CCSER1: variants seen among roughly 807,000 people sequenced by gnomAD.
CCSER1 encodes serine-rich coiled-coil domain-containing protein 1.
In CCSER1, 41 loss-of-function variants were observed where a neutral mutation model predicts 82.0. The ratio of observed to expected loss-of-function variants is 0.50; its 90% CI spans 0.39 to 0.65. The LOEUF (loss-of-function observed/expected upper bound fraction) is 0.65. CCSER1 is among the 30% of genes least tolerant of loss of function. The probability of loss-of-function intolerance (pLI) is 0.00; values close to 1 mark genes in which losing one functional copy is unlikely to be tolerated. For synonymous variants in CCSER1, 414 were observed against 383.9 expected (o/e 1.08, Z -0.92); for missense variants, 1,119 against 1,064.2 (o/e 1.05, Z -0.72).
At chr4:90,799,125 G>A (rs1306488286) in intron 7 of CCSER1, among the ~76,000 whole-genome samples, 1 of 152,132 alleles carries the variant, frequency 6.6e-6, no homozygotes, top group Non-Finnish European at 1.5e-5. Context: ...CTGTGTGTAT[G>A]GTCACACTGG....
At chr4:90,452,584 G>A (rs112964550) in intron 4 of CCSER1, among the ~76,000 whole-genome samples, 1,545 of 152,258 alleles carry the variant, frequency 0.01, 23 homozygotes, top group African/African-American at 0.035. Flanking sequence ...GCTGGACCTC[G>A]GGCCTGGGTT....
intron 5 of CCSER1, among the ~76,000 whole-genome samples, chr4:90,474,024 C>G (rs1764740370): frequency 6.6e-6 from 1 of 151,964 alleles, no homozygotes; most frequent in African/African-American, 2.4e-5. Context: ...GCCTATAGTT[C>G]CAGCTACTTG....
intron 8 of CCSER1, among the ~76,000 whole-genome samples, chr4:90,887,578 A>G (rs191947085): frequency 1.8e-4 from 28 of 152,306 alleles, no homozygotes; most frequent in Admixed American, 3.3e-4. Flanking sequence ...GAGATGTTAA[A>G]TCTAATTTTT....
chr4:90,148,188 A>T (rs1482383543), intron 1 of CCSER1, among the ~76,000 whole-genome samples: 2 of 152,162 alleles, frequency 1.3e-5, no homozygotes, highest in African/African-American at 4.8e-5. Context: ...TAATAATTGT[A>T]TGTAATTATA....
intron 10 of CCSER1, among the ~76,000 whole-genome samples, chr4:91,154,452 C>T (rs568092153): frequency 3.5e-4 from 53 of 152,038 alleles, no homozygotes; most frequent in South Asian, 2.5e-3. Flanking sequence ...TGACCACTTG[C>T]GCTTCCTGGG....
At chr4:90,464,839 T>C (rs370250603) in intron 4 of CCSER1, among the ~76,000 whole-genome samples, 28 of 152,376 alleles carry the variant, frequency 1.8e-4, no homozygotes, top group East Asian at 1.5e-3. Context: ...ATAAAATTAA[T>C]ATGTGAATAA....
chr4:91,589,109 T>A (rs1764145788), intron 10 of CCSER1, among the ~76,000 whole-genome samples: 1 of 151,904 alleles, frequency 6.6e-6, no homozygotes, highest in Admixed American at 6.6e-5. Flanking sequence ...TAGTTTGCAT[T>A]ACATTATACT....
At chr4:91,453,621 G>A (rs1183496046) in intron 10 of CCSER1, among the ~76,000 whole-genome samples, 2 of 151,876 alleles carry the variant, frequency 1.3e-5, no homozygotes, top group African/African-American at 4.8e-5. Context: ...ATCTATTCCC[G>A]ATAAATTGCA....
intron 10 of CCSER1, among the ~76,000 whole-genome samples, chr4:91,163,551 A>T (rs1731678934): frequency 2.0e-5 from 3 of 152,076 alleles, no homozygotes; most frequent in African/African-American, 4.8e-5. Context: ...TCCCATTATT[A>T]TTGTTTGGGA....
intron 8 of CCSER1, among the ~76,000 whole-genome samples, chr4:90,873,806 C>T (rs1766860982): frequency 6.6e-6 from 1 of 151,986 alleles, no homozygotes; most frequent in South Asian, 2.1e-4. Context: ...AGTAAAAATG[C>T]CTTGACCTTC....
chr4:90,940,059 C>T (rs1731409006), intron 9 of CCSER1, among the ~76,000 whole-genome samples: 1 of 152,068 alleles, frequency 6.6e-6, no homozygotes, highest in South Asian at 2.1e-4. Flanking sequence ...ACTGTATTAT[C>T]TTGAAGAAGC....
intron 8 of CCSER1, among the ~76,000 whole-genome samples, chr4:90,818,925 A>G (rs1759385829): frequency 6.6e-6 from 1 of 152,234 alleles, no homozygotes; most frequent in African/African-American, 2.4e-5. Context: ...TCCTTGGGCT[A>G]TTAAATATGT....
At chr4:90,398,441 A>G (rs1250926522) in intron 3 of CCSER1, among the ~76,000 whole-genome samples, 1 of 152,210 alleles carries the variant, frequency 6.6e-6, no homozygotes. Context: ...TTTGACTAAT[A>G]TATTATTAAC....
At chr4:91,154,514 G>C (rs896750954) in intron 10 of CCSER1, among the ~76,000 whole-genome samples, 6 of 151,900 alleles carry the variant, frequency 3.9e-5, no homozygotes, top group Non-Finnish European at 7.4e-5. Context: ...CTGGTCCTTG[G>C]GTTGCACCCA....
intron 9 of CCSER1, among the ~76,000 whole-genome samples, chr4:91,040,954 A>G (rs1741906618): frequency 6.6e-6 from 1 of 152,222 alleles, no homozygotes; most frequent in African/African-American, 2.4e-5. Context: ...GAAACTTAGC[A>G]AATGGAAAAA....
At chr4:90,187,460 T>C (rs1490119559) in intron 1 of CCSER1, among the ~76,000 whole-genome samples, 1 of 151,262 alleles carries the variant, frequency 6.6e-6, no homozygotes, top group Non-Finnish European at 1.5e-5. Flanking sequence ...CAAACTCAAT[T>C]CTGTATCCAC....
chr4:91,051,422 G>A (rs1049017401), intron 9 of CCSER1, among the ~76,000 whole-genome samples: 1 of 152,036 alleles, frequency 6.6e-6, no homozygotes, highest in Non-Finnish European at 1.5e-5. Context: ...TTCATATATT[G>A]CTGTTAGAAA....
At chr4:90,590,912 G>C (rs553203785) in intron 5 of CCSER1, among the ~76,000 whole-genome samples, 1 of 152,044 alleles carries the variant, frequency 6.6e-6, no homozygotes, top group Non-Finnish European at 1.5e-5. Context: ...TCATGATATT[G>C]GTTCTTCCTA....
intron 7 of CCSER1, among the ~76,000 whole-genome samples, chr4:90,788,541 TG>T (rs1458336616): frequency 5.3e-5 from 8 of 152,162 alleles, no homozygotes; most frequent in Admixed American, 2.6e-4. Context: ...CTTCACATGG[TG>T]GTTCCCTGTA....
Sources: allele counts gnomAD v4.1 joint callset (sites outside exome capture counted in the v4.1 genomes callset), GRCh38; gene constraint gnomAD v4.1.1; transcripts MANE v1.5; gene names NCBI Gene and HGNC (gene_info 2026-07-23, HGNC 2026-07-21).